Variants in CACNA1A observed in about 807,000 individuals in gnomAD.
The protein encoded by CACNA1A is voltage-dependent P/Q-type calcium channel subunit alpha-1A.
Under a neutral mutation model 262.4 loss-of-function variants are expected in CACNA1A, and 57 were observed. The observed-to-expected ratio is 0.22, with a 90% CI of 0.18 to 0.27. The LOEUF (loss-of-function observed/expected upper bound fraction) is 0.27. Among genes scored for constraint, CACNA1A ranks in the 10% least tolerant of loss-of-function variants. The pLI, the probability that CACNA1A is intolerant of heterozygous loss-of-function variation, is 1.00. For synonymous variants in CACNA1A, 1,431 were observed against 1,419.3 expected (o/e 1.01, Z -0.18); for missense variants, 2,526 against 3,562.8 (o/e 0.71, Z 7.41).
At chr19:13,481,851 T>G (rs1311760359) in intron 1 of CACNA1A, among the ~76,000 whole-genome samples, 1 of 151,994 alleles carries the variant, frequency 6.6e-6, no homozygotes, top group Non-Finnish European at 1.5e-5. Flanking sequence ...CAGCGATCAC[T>G]TGCTTTCTGT....
At chr19:13,441,206 A>G (rs1280181547) in intron 3 of CACNA1A, among the ~76,000 whole-genome samples, 1 of 152,144 alleles carries the variant, frequency 6.6e-6, no homozygotes, top group Non-Finnish European at 1.5e-5. Context: ...CAGCTTGGAA[A>G]CAGTGGAGTC....
intron 4 of CACNA1A, among the ~76,000 whole-genome samples, chr19:13,369,060 AAT>A (rs2059271360): frequency 6.6e-6 from 1 of 151,010 alleles, no homozygotes; most frequent in African/African-American, 2.5e-5. Flanking sequence ...AAAAAAAAAA[AAT>A]GTAATGTGGG....
At chr19:13,285,952 A>ATTTTTTTTTT in intron 20 of CACNA1A, among the ~76,000 whole-genome samples, 1 of 95,808 alleles carries the variant, frequency 1.0e-5, no homozygotes, top group Non-Finnish European at 2.0e-5. Flanking sequence ...GCAGTTCACC[A>ATTTTTTTTTT]TTTTTTTTTT....
Position 13,207,535 on chromosome 19 carries a change from G to A in CACNA1A, c.7299C>T (p.Ala2433=). The A allele has an allele frequency of 2.1e-6, 3 of 1,444,214 alleles. No individual in the cohort carries two copies. Among genetic ancestry groups the A allele is most frequent in the Admixed American group, 2.6e-5 (1 of 38,908 alleles). The allele number at this position is 1,444,214 out of a possible 1,614,324, so 89.5% of individuals were successfully genotyped here. Residue 2433 remains alanine (A), a synonymous_variant, in exon 47 of 47, where the codon GCC becomes GCT. Transcript: ENST00000360228. This position sits in a 1 kb window ranked among gnomAD's most constrained non-coding sequence, Gnocchi z 5.7. ...SGGGEEAMAG[A]YDAPPPVRHA... ...GTCGTACGGGGGGTGGCGCGTCGTA[G>A]GCCCCGGCCATGGCCTCCTCGCCGC...
At chr19:13,252,815 G>C in intron 30 of CACNA1A, 176 bp downstream of exon 30, 1 of 506,000 alleles carries the variant, frequency 2.0e-6, no homozygotes, top group Non-Finnish European at 3.5e-6. Flanking sequence ...GTCTCCCTGG[G>C]ACTCCTTGGC....
At chr19:13,248,742 C>A (rs150358756) in intron 30 of CACNA1A, among the ~76,000 whole-genome samples, 1 of 151,726 alleles carries the variant, frequency 6.6e-6, no homozygotes, top group Admixed American at 6.6e-5. Context: ...AGTCGGGAGG[C>A]TGAGGCAGGA....
chr19:13,473,986 G>A (rs374749772), intron 1 of CACNA1A, among the ~76,000 whole-genome samples: 1 of 152,086 alleles, frequency 6.6e-6, no homozygotes, highest in Admixed American at 6.6e-5. Context: ...GGTCTGCCTC[G>A]CCTTTTCCAT....
chr19:13,487,484 G>A (rs1193606074), intron 1 of CACNA1A, among the ~76,000 whole-genome samples: 1 of 152,092 alleles, frequency 6.6e-6, no homozygotes, highest in African/African-American at 2.4e-5. Flanking sequence ...GTTGCCAGGG[G>A]CTGGGGGAGC....
intron 3 of CACNA1A, among the ~76,000 whole-genome samples, chr19:13,433,460 C>CAAAAAAAAAAAAAAAAAGA (rs2060554852): frequency 1.3e-5 from 1 of 76,230 alleles, no homozygotes; most frequent in Admixed American, 1.5e-4. Flanking sequence ...GACGCTGTCT[C>CAAAAAAAAAAAAAAAAAGA]AAAAAAAAAA....
chr19:13,215,902 CA>C (rs1212982008), intron 38 of CACNA1A, among the ~76,000 whole-genome samples: 3 of 152,112 alleles, frequency 2.0e-5, no homozygotes, highest in Non-Finnish European at 4.4e-5. Context: ...GCATCCCCAA[CA>C]GAGGAAGTTT....
chr19:13,414,337 G>A (rs2032819), intron 3 of CACNA1A, among the ~76,000 whole-genome samples: 2,688 of 152,190 alleles, frequency 0.018, 88 homozygotes, highest in African/African-American at 0.062. Flanking sequence ...AGTCGAGGCT[G>A]CAGAGTAAGC....
At chr19:13,372,026 AAATGG>A (rs2059331869) in intron 3 of CACNA1A, among the ~76,000 whole-genome samples, 1 of 152,232 alleles carries the variant, frequency 6.6e-6, no homozygotes, top group African/African-American at 2.4e-5. Context: ...GCAATGAGAG[AAATGG>A]AATCTTCCCC....
intron 1 of CACNA1A, among the ~76,000 whole-genome samples, chr19:13,461,942 C>T (rs2061131680): frequency 6.6e-6 from 1 of 152,146 alleles, no homozygotes; most frequent in African/African-American, 2.4e-5. Context: ...GAGCTCTATA[C>T]ACAATGAAAT....
chr19:13,262,618 G>C (rs1482938285), intron 25 of CACNA1A, 116 bp downstream of exon 25: 2 of 681,250 alleles, frequency 2.9e-6, no homozygotes, highest in African/African-American at 3.5e-5. Context: ...ACGATGGCTA[G>C]GATGTTATCA....
chr19:13,425,424 G>C (rs1405246974), intron 3 of CACNA1A, among the ~76,000 whole-genome samples: 1 of 152,112 alleles, frequency 6.6e-6, no homozygotes, highest in African/African-American at 2.4e-5. Context: ...AGTCTCAAAG[G>C]AGACACACCA....
intron 3 of CACNA1A, among the ~76,000 whole-genome samples, chr19:13,438,886 A>T (rs1218858056): frequency 6.6e-6 from 1 of 152,092 alleles, no homozygotes; most frequent in East Asian, 1.9e-4. Flanking sequence ...TTATAGGTGC[A>T]CGCCACCACA....
chr19:13,276,098 G>A (rs1272287764), intron 23 of CACNA1A, 142 bp from the exon 24 acceptor site: 2 of 606,264 alleles, frequency 3.3e-6, no homozygotes, highest in South Asian at 2.0e-5. Flanking sequence ...GTGGCCAGAG[G>A]ACTCCAGGGA....
intron 3 of CACNA1A, among the ~76,000 whole-genome samples, chr19:13,429,021 T>TC (rs1202783212): frequency 6.6e-6 from 1 of 151,606 alleles, no homozygotes; most frequent in African/African-American, 2.4e-5. Context: ...TGCCTATGAA[T>TC]CCCCCCACCA....
intron 3 of CACNA1A, among the ~76,000 whole-genome samples, chr19:13,421,262 G>T (rs10424102): frequency 9.6e-4 from 146 of 152,006 alleles, no homozygotes; most frequent in African/African-American, 3.3e-3. Flanking sequence ...TTTTCTTTAA[G>T]GTTTTAATCC....
Sources: allele counts gnomAD v4.1 joint callset (sites outside exome capture counted in the v4.1 genomes callset), GRCh38; gene constraint gnomAD v4.1.1; non-coding constraint Gnocchi (gnomAD v3.1); transcripts MANE v1.5; gene names NCBI Gene and HGNC (gene_info 2026-07-23, HGNC 2026-07-21).